HCRTR2: variants seen among roughly 807,000 people sequenced by gnomAD.
HCRTR2 encodes the protein hypocretin receptor 2.
In HCRTR2, 22 loss-of-function variants were observed where a neutral mutation model predicts 49.0. The observed-to-expected ratio is 0.45, with a 90% CI of 0.32 to 0.64. The LOEUF (loss-of-function observed/expected upper bound fraction) is 0.64, where lower values mean the gene tolerates loss of function less well. HCRTR2 is among the 30% of genes least tolerant of loss of function. HCRTR2 has a pLI of 0.04. For synonymous variants in HCRTR2, 236 were observed against 205.3 expected, an observed-to-expected ratio of 1.15 and a Z score of -1.28; for missense variants, 491 against 559.4, an observed-to-expected ratio of 0.88 and a Z score of 1.23.
chr6:55,133,549 C>T (rs1032194598), intron 1 of HCRTR2, among the ~76,000 whole-genome samples: 2 of 151,772 alleles, frequency 1.3e-5, no homozygotes, highest in Admixed American at 6.6e-5. Flanking sequence ...TATTGATGAC[C>T]TCACTAACAT....
At chr6:55,131,587 A>T in intron 1 of HCRTR2, among the ~76,000 whole-genome samples, 1 of 151,820 alleles carries the variant, frequency 6.6e-6, no homozygotes, top group East Asian at 1.9e-4. Context: ...CACTAAAGTC[A>T]GTTAATTTAA....
chr6:55,157,014 AT>A (rs1278684079), intron 1 of HCRTR2, among the ~76,000 whole-genome samples: 1 of 152,152 alleles, frequency 6.6e-6, no homozygotes, highest in Non-Finnish European at 1.5e-5. Flanking sequence ...TCTATTCAAC[AT>A]TGGAAAGATA....
At chr6:55,131,392 GT>G (rs1163306210) in intron 1 of HCRTR2, among the ~76,000 whole-genome samples, 1 of 151,724 alleles carries the variant, frequency 6.6e-6, no homozygotes, top group South Asian at 2.1e-4. Context: ...TCCTCAGAAG[GT>G]CCAAAGATGA....
At chr6:55,230,248 T>C (rs531519207) in intron 1 of HCRTR2, among the ~76,000 whole-genome samples, 1 of 152,344 alleles carries the variant, frequency 6.6e-6, no homozygotes, top group Admixed American at 6.5e-5. Context: ...TTAGATGTAA[T>C]AAACTGCTAA....
chr6:55,148,411 A>T (rs1330666336), intron 1 of HCRTR2, among the ~76,000 whole-genome samples: 2 of 152,110 alleles, frequency 1.3e-5, no homozygotes, highest in African/African-American at 4.8e-5. Flanking sequence ...ATTCTGGATT[A>T]TCAGTCATTG....
intron 1 of HCRTR2, among the ~76,000 whole-genome samples, chr6:55,184,178 C>T (rs1252510893): frequency 1.3e-5 from 2 of 152,168 alleles, no homozygotes; most frequent in Admixed American, 6.5e-5. Flanking sequence ...ATCCGCCCAC[C>T]TTGGCCTCCC....
chr6:55,177,965 A>G (rs1259439973), intron 1 of HCRTR2, among the ~76,000 whole-genome samples: 1 of 152,192 alleles, frequency 6.6e-6, no homozygotes, highest in African/African-American at 2.4e-5. Flanking sequence ...TCTTTTTGGA[A>G]GGAGTATCTT....
intron 1 of HCRTR2, among the ~76,000 whole-genome samples, chr6:55,226,723 T>TG (rs1190341068): frequency 7.3e-6 from 1 of 137,710 alleles, no homozygotes; most frequent in Non-Finnish European, 1.6e-5. Flanking sequence ...TTTTTTTTTT[T>TG]TTTTTTTTTT....
At chr6:55,253,886 G>A (rs867597188) in intron 2 of HCRTR2, among the ~76,000 whole-genome samples, 2 of 152,126 alleles carry the variant, frequency 1.3e-5, no homozygotes, top group Admixed American at 6.6e-5. Context: ...AGAGGGTAGA[G>A]GGTGGGAGAA....
At chr6:55,114,518 A>T (rs1764091163) in intron 1 of HCRTR2, among the ~76,000 whole-genome samples, 1 of 151,784 alleles carries the variant, frequency 6.6e-6, no homozygotes, top group African/African-American at 2.4e-5. Context: ...CCAAATTCCG[A>T]TAACCCAGAT....
intron 1 of HCRTR2, among the ~76,000 whole-genome samples, chr6:55,130,439 T>A (rs1764340168): frequency 6.6e-6 from 1 of 151,704 alleles, no homozygotes; most frequent in South Asian, 2.1e-4. Context: ...CCAACCAGTT[T>A]CTATAAATTT....
chr6:55,260,561 G>A (rs1562025409), intron 3 of HCRTR2, among the ~76,000 whole-genome samples: 1 of 152,128 alleles, frequency 6.6e-6, no homozygotes, highest in Admixed American at 6.6e-5. Context: ...AGCTAAAAAT[G>A]ACACCTCAAA....
At chr6:55,117,788 A>AAAAAC (rs1764139004) in intron 1 of HCRTR2, among the ~76,000 whole-genome samples, 1 of 149,952 alleles carries the variant, frequency 6.7e-6, no homozygotes, top group Non-Finnish European at 1.5e-5. Flanking sequence ...AGTCTCAAAA[A>AAAAAC]AAAAAAAAAA....
At chr6:55,163,830 G>A (rs1249790145) in intron 1 of HCRTR2, among the ~76,000 whole-genome samples, 1 of 152,148 alleles carries the variant, frequency 6.6e-6, no homozygotes, top group Non-Finnish European at 1.5e-5. Flanking sequence ...TATCATCAGA[G>A]TGAACAGGCA....
At chr6:55,157,097 C>T (rs1488829024) in intron 1 of HCRTR2, among the ~76,000 whole-genome samples, 2 of 152,058 alleles carry the variant, frequency 1.3e-5, no homozygotes, top group East Asian at 3.9e-4. Context: ...TGGCAGATGA[C>T]ATAATCTTAT....
chr6:55,154,836 CACAA>C (rs1219570652), intron 1 of HCRTR2, among the ~76,000 whole-genome samples: 9 of 151,580 alleles, frequency 5.9e-5, no homozygotes, highest in African/African-American at 1.7e-4. Context: ...CAAACAAACA[CACAA>C]ACAAACAAAA....
At chr6:55,127,536 T>C (rs1283410072) in intron 1 of HCRTR2, among the ~76,000 whole-genome samples, 1 of 152,178 alleles carries the variant, frequency 6.6e-6, no homozygotes, top group Non-Finnish European at 1.5e-5. Flanking sequence ...GAATCTTTCT[T>C]AAAAGCCTCT....
At chr6:55,250,394 G>T (rs1766526434) in intron 2 of HCRTR2, among the ~76,000 whole-genome samples, 1 of 152,062 alleles carries the variant, frequency 6.6e-6, no homozygotes, top group Non-Finnish European at 1.5e-5. Flanking sequence ...TATCTCTGTG[G>T]TACTTCCAGA....
intron 1 of HCRTR2, among the ~76,000 whole-genome samples, chr6:55,190,084 G>A (rs1765290423): frequency 6.6e-6 from 1 of 152,002 alleles, no homozygotes; most frequent in African/African-American, 2.4e-5. Flanking sequence ...AAATGTTTTA[G>A]AAAATGTCTT....
Sources: gnomAD v4.1 joint callset for allele counts (sites outside exome capture counted in the v4.1 genomes callset) on GRCh38, gnomAD v4.1.1 for gene constraint, MANE v1.5 for transcripts, NCBI Gene and HGNC (gene_info 2026-07-23, HGNC 2026-07-21) for gene names.